TMPRSS4: variants seen among roughly 807,000 people sequenced by gnomAD.
The protein encoded by TMPRSS4 is transmembrane protease serine 4.
TMPRSS4 carries 45 observed loss-of-function variants against 56.4 expected under a neutral mutation model. The observed-to-expected ratio is 0.80, with a 90% CI of 0.63 to 1.02. The LOEUF (loss-of-function observed/expected upper bound fraction) is 1.02. TMPRSS4 is among the 50% of genes least tolerant of loss of function. The probability of loss-of-function intolerance (pLI) is 0.00; values close to 1 mark genes in which losing one functional copy is unlikely to be tolerated. For synonymous variants in TMPRSS4, 205 were observed against 211.0 expected (o/e 0.97, Z 0.25); for missense variants, 546 against 556.7 (o/e 0.98, Z 0.19).
chr11:118,098,669 C>T (rs1946545613), intron 2 of TMPRSS4, among the ~76,000 whole-genome samples: 1 of 152,176 alleles, frequency 6.6e-6, no homozygotes, highest in Non-Finnish European at 1.5e-5. Context: ...CTCTCTCGGG[C>T]AGGCGAGGGT....
chr11:118,096,909 AAGGG>A (rs1207583917), intron 2 of TMPRSS4, among the ~76,000 whole-genome samples: 295 of 16,092 alleles, frequency 0.018, 28 homozygotes, highest in Non-Finnish European at 0.033. Context: ...GAAAGAAAGA[AAGGG>A]AGAGAGAAAG....
chr11:118,093,817 T>TTC (rs1946124521), intron 1 of TMPRSS4, among the ~76,000 whole-genome samples: 3 of 25,638 alleles, frequency 1.2e-4, no homozygotes, highest in Admixed American at 8.7e-4. Flanking sequence ...AATAACTAAC[T>TTC]GCCCCCCCCA....
chr11:118,095,358 AC>A (rs1946228022), intron 2 of TMPRSS4: 1 of 165,654 alleles, frequency 6.0e-6, no homozygotes, highest in Non-Finnish European at 1.3e-5. Flanking sequence ...ATTTTCTTAA[AC>A]CATTAATATC....
chr11:118,077,257 T>C lies in TMPRSS4; in HGVS notation c.-46T>C. 6.3e-7 allele frequency: 1 copy of C among 1,590,250 alleles called. No individual in the cohort carries two copies. On this transcript the variant is annotated 5_prime_UTR_variant, in exon 1 of 13. Coordinates refer to ENST00000437212, the MANE Select transcript of TMPRSS4 (RefSeq NM_019894.4). ...CCCTCCTGCTGCCTTGGGGTGACAA[T>C]CTCAGCTCCAGGCTACAGGGAGACC...
At chr11:118,108,017 T>A in intron 6 of TMPRSS4, 142 bp downstream of exon 6, 1 of 644,004 alleles carries the variant, frequency 1.6e-6, no homozygotes, top group East Asian at 2.8e-5. Flanking sequence ...AGATGGATCA[T>A]TCAATGCCAA....
chr11:118,115,346 C>A, intron 11 of TMPRSS4, 66 bp downstream of exon 11: 1 of 1,564,242 alleles, frequency 6.4e-7, no homozygotes, highest in Non-Finnish European at 8.6e-7. Flanking sequence ...GATGAGAAAA[C>A]CCAGAGGCTG....
chr11:118,094,909 C>T, intron 2 of TMPRSS4, 54 bp downstream of exon 2: 1 of 1,590,696 alleles, frequency 6.3e-7, no homozygotes, highest in Non-Finnish European at 8.6e-7. Context: ...GTTTCAGCTA[C>T]CAAGTAGATC....
chr11:118,111,640 A>G (rs1385526433), intron 7 of TMPRSS4, 101 bp from the exon 8 acceptor site: 1 of 914,602 alleles, frequency 1.1e-6, no homozygotes, highest in African/African-American at 1.8e-5. Context: ...GGCCCCAGCC[A>G]TAAGGGCCCT....
chr11:118,089,245 G>A (rs145222425), intron 1 of TMPRSS4, among the ~76,000 whole-genome samples: 203 of 152,258 alleles, frequency 1.3e-3, no homozygotes, highest in African/African-American at 4.5e-3. Flanking sequence ...GCTCTGACCT[G>A]TCTGTGTCAC....
rs1947678481 is a variant in TMPRSS4 at position 118,118,443 on chromosome 11, G to A, written c.*530G>A. ...ATGGCCACTATTATTAAAGAGCTGT[G>A]TAACATCTCTGGCATAGGCTAGCTG... On this transcript the variant is annotated 3_prime_UTR_variant, in exon 13 of 13. Transcript: ENST00000437212. 1.0e-6 allele frequency: 1 copy of A among 987,206 alleles called. No individual in the cohort carries two copies. The highest frequency in any genetic ancestry group is 4.7e-5 in the South Asian group (1 of 21,348). 61.2% of individuals were successfully genotyped at this position (987,206 alleles called of 1,614,324 possible).
chr11:118,115,776 T>C (rs1481359855), intron 11 of TMPRSS4, among the ~76,000 whole-genome samples: 1 of 152,118 alleles, frequency 6.6e-6, no homozygotes, highest in Non-Finnish European at 1.5e-5. Flanking sequence ...TAAGCTGAGA[T>C]TGCGCCACTG....
intron 5 of TMPRSS4, 121 bp from the exon 6 acceptor site, chr11:118,107,653 T>C (rs774365574): frequency 8.5e-5 from 65 of 767,058 alleles, no homozygotes; most frequent in Non-Finnish European, 1.2e-4. Flanking sequence ...CTCCACTCCC[T>C]GGCCACTCCC....
intron 1 of TMPRSS4, among the ~76,000 whole-genome samples, chr11:118,092,860 G>A (rs1053405285): frequency 9.9e-5 from 15 of 152,236 alleles, no homozygotes; most frequent in Admixed American, 9.2e-4. Context: ...CAATGGGAGG[G>A]CAGAGGAAAG....
chr11:118,116,116 T>C (rs12288028), intron 11 of TMPRSS4, among the ~76,000 whole-genome samples: 2,200 of 152,304 alleles, frequency 0.014, 67 homozygotes, highest in African/African-American at 0.05. Flanking sequence ...TCTTTTTTTA[T>C]TTTTTCTTTT....
intron 1 of TMPRSS4, among the ~76,000 whole-genome samples, chr11:118,077,568 T>A (rs1187380991): frequency 1.3e-5 from 2 of 152,242 alleles, no homozygotes; most frequent in Non-Finnish European, 2.9e-5. Context: ...CCTTCCCGAC[T>A]ATTCTTTCCT....
intron 3 of TMPRSS4, among the ~76,000 whole-genome samples, chr11:118,102,674 A>G (rs979160770): frequency 2.0e-5 from 3 of 152,194 alleles, no homozygotes; most frequent in Non-Finnish European, 2.9e-5. Context: ...CCGCCACTGC[A>G]CTCCAGCCTG....
chr11:118,089,343 G>T (rs998969618), intron 1 of TMPRSS4, among the ~76,000 whole-genome samples: 6 of 152,210 alleles, frequency 3.9e-5, no homozygotes, highest in African/African-American at 1.2e-4. Context: ...GGCAGAGCAT[G>T]GTGAGGACAT....
intron 2 of TMPRSS4, 152 bp from the exon 3 acceptor site, chr11:118,098,833 C>G (rs765886081): frequency 4.9e-5 from 28 of 574,344 alleles, no homozygotes; most frequent in Non-Finnish European, 7.8e-5. Context: ...GAAGCTAAGC[C>G]TAGTCTGCAG....
chr11:118,105,618 T>C (rs902216166), intron 5 of TMPRSS4: 1 of 152,132 alleles, frequency 6.6e-6, no homozygotes, highest in African/African-American at 2.4e-5. Context: ...ACATCATCTC[T>C]AAGGGAAGGG....
Sources: gnomAD v4.1 joint callset for allele counts (sites outside exome capture counted in the v4.1 genomes callset) on GRCh38, gnomAD v4.1.1 for gene constraint, MANE v1.5 for transcripts, NCBI Gene and HGNC (gene_info 2026-07-23, HGNC 2026-07-21) for gene names.